ZFYVE1: variants seen among roughly 807,000 people sequenced by gnomAD.
ZFYVE1 encodes zinc finger FYVE domain-containing protein 1.
Under a neutral mutation model 74.4 loss-of-function variants are expected in ZFYVE1, and 30 were observed. The ratio of observed to expected loss-of-function variants is 0.40; its 90% CI spans 0.30 to 0.55. ZFYVE1 has a LOEUF of 0.55. ZFYVE1 is among the 20% of genes least tolerant of loss of function. ZFYVE1 has a pLI of 0.42. For synonymous variants in ZFYVE1, 335 were observed against 385.1 expected, an observed-to-expected ratio of 0.87 and a Z score of 1.52; for missense variants, 703 against 1,011.6, an observed-to-expected ratio of 0.69 and a Z score of 4.14.
intron 8 of ZFYVE1, among the ~76,000 whole-genome samples, chr14:72,977,523 C>T (rs996399265): frequency 6.6e-6 from 1 of 152,006 alleles, no homozygotes; most frequent in Non-Finnish European, 1.5e-5. Flanking sequence ...TGGTGACTAG[C>T]ATTTTAATGA....
intron 2 of ZFYVE1, among the ~76,000 whole-genome samples, chr14:73,019,781 G>A (rs557028037): frequency 6.8e-4 from 103 of 150,836 alleles, no homozygotes; most frequent in African/African-American, 2.4e-3. Flanking sequence ...GTGAAACCCC[G>A]TCTCTACTAA....
At chr14:73,014,530 G>A (rs1220590143) in intron 2 of ZFYVE1, among the ~76,000 whole-genome samples, 5 of 152,150 alleles carry the variant, frequency 3.3e-5, no homozygotes, top group East Asian at 1.9e-4. Context: ...CAGCTCCTAC[G>A]AAGATCTATT....
At chr14:73,018,661 C>T (rs1036590725) in intron 2 of ZFYVE1, among the ~76,000 whole-genome samples, 2 of 151,488 alleles carry the variant, frequency 1.3e-5, no homozygotes, top group African/African-American at 4.8e-5. Context: ...GTGCCTGGCA[C>T]GGCTGGGCGC....
intron 2 of ZFYVE1, among the ~76,000 whole-genome samples, chr14:73,021,224 G>A (rs562109485): frequency 3.9e-5 from 6 of 151,952 alleles, no homozygotes; most frequent in African/African-American, 7.3e-5. Context: ...GGTGTGTGCC[G>A]GTAGTTCCAG....
intron 4 of ZFYVE1, 136 bp downstream of exon 4, chr14:72,993,007 T>A: frequency 2.5e-6 from 2 of 810,992 alleles, no homozygotes; most frequent in Non-Finnish European, 3.7e-6. Context: ...GCGGACTCCA[T>A]TCATGTGCTT....
intron 2 of ZFYVE1, among the ~76,000 whole-genome samples, chr14:73,008,228 C>T (rs1417254056): frequency 1.3e-5 from 2 of 152,336 alleles, no homozygotes; most frequent in Non-Finnish European, 1.5e-5. Flanking sequence ...GGCACGATCT[C>T]GGCTCACCGC....
chr14:73,010,327 T>C (rs1166670710), intron 2 of ZFYVE1, among the ~76,000 whole-genome samples: 4 of 151,528 alleles, frequency 2.6e-5, no homozygotes, highest in African/African-American at 9.7e-5. Context: ...ATTGGCCAGG[T>C]GCAGTGGCTC....
At chr14:73,025,751 A>T (rs1392888348) in intron 1 of ZFYVE1, among the ~76,000 whole-genome samples, 1 of 151,712 alleles carries the variant, frequency 6.6e-6, no homozygotes, top group East Asian at 1.9e-4. Flanking sequence ...TCCTCTTGAC[A>T]ACAAACGCCA....
At chr14:72,981,950 TG>T in intron 4 of ZFYVE1, 55 bp from the exon 5 acceptor site, 1 of 1,520,620 alleles carries the variant, frequency 6.6e-7, no homozygotes, top group Non-Finnish European at 9.1e-7. Flanking sequence ...CTCCGCACTT[TG>T]GCCCCCCACT....
chr14:72,974,634 G>A, intron 10 of ZFYVE1, 145 bp downstream of exon 10: 1 of 1,039,412 alleles, frequency 9.6e-7, no homozygotes, highest in Non-Finnish European at 1.4e-6. Context: ...TGTTAACAAG[G>A]AGCTTAGAGG....
chr14:73,006,709 C>CTT (rs35364666), intron 2 of ZFYVE1, among the ~76,000 whole-genome samples: 1,353 of 77,658 alleles, frequency 0.017, 18 homozygotes, highest in Non-Finnish European at 0.023. Flanking sequence ...ACCCCAGTTC[C>CTT]TTTTTTTTTT....
intron 2 of ZFYVE1, among the ~76,000 whole-genome samples, chr14:73,018,733 C>A (rs1481051705): frequency 1.3e-5 from 2 of 151,982 alleles, no homozygotes; most frequent in Non-Finnish European, 2.9e-5. Flanking sequence ...CATGAGGTCA[C>A]GAGTTCAAGA....
At position 72,970,859 on chromosome 14, in the gene ZFYVE1, A is replaced by C; in HGVS notation, c.*23T>G. 1 of 1,611,088 alleles carries C rather than the reference A, an allele frequency of 6.2e-7. No individual in the cohort carries two copies. The stretch of plus-strand genomic sequence containing the variant: ...ACCCTGAGAACCTAAGGAATTGTGA[A>C]GGACTCGGAGAGGGGGCTGGGGTTA... On this transcript the variant is annotated 3_prime_UTR_variant, in exon 12 of 12. Coordinates refer to ENST00000556143, the MANE Select transcript of ZFYVE1 (RefSeq NM_021260.4).
intron 5 of ZFYVE1, 75 bp downstream of exon 5, chr14:72,981,713 CA>C: frequency 7.2e-7 from 1 of 1,397,500 alleles, no homozygotes; most frequent in South Asian, 1.2e-5. Flanking sequence ...GCATCCACAC[CA>C]AAGTCTAGGA....
In ZFYVE1 at chr14:72,975,805, C is replaced by T. The variant is rs1183679767; in HGVS notation, c.1636-84G>A. 6.6e-6 allele frequency: 10 copies of T among 1,522,726 alleles called. No homozygotes were observed. In the Admixed American group the frequency reaches 1.7e-4, roughly 26 times the overall value. 94.3% of individuals were successfully genotyped at this position (1,522,726 alleles called of 1,614,324 possible). A position where few individuals can be genotyped will look rare whatever the true frequency, so the allele number is the denominator to read the frequency against. ...AGAGGGATGTTTGGTGAGTTGCACA[C>T]TCACCGTGGCCAACTCAGAACCACT... On this transcript the variant is annotated intron_variant, in intron 8 of 11. Transcript: ENST00000556143. This position sits in a 1 kb window ranked among gnomAD's most constrained non-coding sequence, Gnocchi z 4.1.
chr14:72,976,736 T>C (rs1283574111), intron 8 of ZFYVE1, among the ~76,000 whole-genome samples: 1 of 140,388 alleles, frequency 7.1e-6, no homozygotes. Flanking sequence ...TTAGCCGAGA[T>C]CACACCACTG....
intron 11 of ZFYVE1, among the ~76,000 whole-genome samples, chr14:72,972,427 G>A (rs1893057978): frequency 6.6e-6 from 1 of 152,156 alleles, no homozygotes; most frequent in Non-Finnish European, 1.5e-5. Flanking sequence ...GCCTCTCCCA[G>A]GTACCCCTGG....
At chr14:72,995,663 G>C (rs1893727226) in intron 3 of ZFYVE1, among the ~76,000 whole-genome samples, 2 of 152,190 alleles carry the variant, frequency 1.3e-5, no homozygotes, top group South Asian at 4.1e-4. Flanking sequence ...CTGAAAGTCA[G>C]CATTTGTCAC....
At chr14:72,988,569 G>T (rs1893536927) in intron 4 of ZFYVE1, among the ~76,000 whole-genome samples, 2 of 151,996 alleles carry the variant, frequency 1.3e-5, no homozygotes, top group African/African-American at 4.8e-5. Flanking sequence ...CATTTTGGGA[G>T]GCGGAGGTGG....
Sources: gnomAD v4.1 joint callset for allele counts (sites outside exome capture counted in the v4.1 genomes callset) on GRCh38, gnomAD v4.1.1 for gene constraint, Gnocchi (gnomAD v3.1) non-coding constraint, MANE v1.5 for transcripts, NCBI Gene and HGNC (gene_info 2026-07-23, HGNC 2026-07-21) for gene names.